Variants in ANKRD34B observed in about 807,000 individuals in gnomAD.
ANKRD34B encodes the protein ankyrin repeat domain 34B, also known as ankyrin repeat domain-containing protein 34B.
A neutral mutation model predicts 4.4 loss-of-function variants in ANKRD34B; 2 were observed. The ratio of observed to expected loss-of-function variants is 0.46; its 90% CI spans 0.19 to 1.44. The LOEUF is 1.44. Among genes scored for constraint, ANKRD34B ranks in the 40% most tolerant of loss-of-function variants. The probability of loss-of-function intolerance (pLI) is 0.26; values close to 1 mark genes in which losing one functional copy is unlikely to be tolerated. For missense variants in ANKRD34B, 558 were observed against 604.7 expected, an observed-to-expected ratio of 0.92 and a Z score of 0.81; for synonymous variants, 226 against 227.1, an observed-to-expected ratio of 0.99 and a Z score of 0.05.
Position 80,559,358 on chromosome 5 carries a change from T to C in ANKRD34B, c.662A>G (p.Asp221Gly). The part of the protein sequence containing the change: ...FKDLELAGSN[D>G]DTWDPGSPVR... ...AGGGGAACCTGGGTCCCAGGTATCA[T>C]CATTGCTTCCAGCAAGCTCAAGATC... The change falls in exon 5 of 5, where the codon GAT (aspartate) becomes GGT (glycine). Residue 221 changes from aspartate (D) to glycine (G), a missense_variant. Asp to Gly is a moderately conservative substitution (Grantham distance 94). Coordinates refer to ENST00000338682, the MANE Select transcript of ANKRD34B (RefSeq NM_001004441.3). The C allele has an allele frequency of 6.2e-7, 1 of 1,614,208 alleles. No individual in the cohort carries two copies. Among genetic ancestry groups the C allele is most frequent in the Non-Finnish European group, 8.5e-7 (1 of 1,180,042 alleles).
At position 80,558,670 on chromosome 5, in the gene ANKRD34B, T is replaced by C; in HGVS notation, c.1350A>G (p.Pro450=). ...GAGGGTGAGAATTTACATTTAAGGGTGGGAGAAACCCTTGTCTGGTTTGGG... is the reference window on the plus strand; with the variant it reads ...GAGGGTGAGAATTTACATTTAAGGGCGGGAGAAACCCTTGTCTGGTTTGGG... The part of the protein sequence containing the change: ...SVTQTRQGFL[P]PLNVNSHPPI... Residue 450 remains proline, a synonymous_variant, in exon 5 of 5, where the codon CCA becomes CCG. Coordinates refer to ENST00000338682, the MANE Select transcript of ANKRD34B (RefSeq NM_001004441.3). 6.2e-7 allele frequency: 1 copy of C among 1,614,126 alleles called. No homozygotes were observed. Among genetic ancestry groups the C allele is most frequent in the Non-Finnish European group, 8.5e-7 (1 of 1,180,018 alleles).
intron 4 of ANKRD34B, among the ~76,000 whole-genome samples, chr5:80,560,961 C>T (rs138187122): frequency 5.9e-5 from 9 of 152,204 alleles, no homozygotes; most frequent in East Asian, 5.8e-4. Context: ...CATGTGATTA[C>T]GCATTTCTCT....
At chr5:80,562,554 C>T (rs985842062) in intron 4 of ANKRD34B, among the ~76,000 whole-genome samples, 1 of 152,158 alleles carries the variant, frequency 6.6e-6, no homozygotes. Context: ...AGCTTGGCTT[C>T]GAGGAGGCCG....
intron 4 of ANKRD34B, among the ~76,000 whole-genome samples, chr5:80,562,982 T>G (rs1472789100): frequency 6.6e-6 from 1 of 151,996 alleles, no homozygotes; most frequent in African/African-American, 2.4e-5. Flanking sequence ...AGGAAACATA[T>G]TAATCGGAAA....
chr5:80,559,664 T>C lies in ANKRD34B; in HGVS notation c.356A>G (p.Tyr119Cys). 1.9e-6 allele frequency: 3 copies of C among 1,614,124 alleles called. No homozygotes were observed. Among genetic ancestry groups the C allele is most frequent in the Non-Finnish European group, 2.5e-6 (3 of 1,180,024 alleles). The change falls in exon 5 of 5, where the codon TAC becomes TGC. Residue 119 changes from tyrosine (Y) to cysteine (C), a missense_variant. Coordinates refer to ENST00000338682, the MANE Select transcript of ANKRD34B (RefSeq NM_001004441.3). ...ATTTATAGCATAAACAAGAGCTGAG[T>C]AACTAGAATGGTCTTGCAAGCTGAG... ...ADLSLQDHSS[Y>C]SALVYAINSE...
At chr5:80,563,000 A>T (rs1561394278) in intron 4 of ANKRD34B, among the ~76,000 whole-genome samples, 1 of 152,238 alleles carries the variant, frequency 6.6e-6, no homozygotes, top group Non-Finnish European at 1.5e-5. Flanking sequence ...AAAAATGAAA[A>T]GATGAAAAAT....
intron 4 of ANKRD34B, among the ~76,000 whole-genome samples, chr5:80,561,005 T>A (rs1341011734): frequency 6.6e-6 from 1 of 152,188 alleles, no homozygotes; most frequent in Non-Finnish European, 1.5e-5. Context: ...ACTGACCACA[T>A]AACGAGGTTA....
Position 80,558,417 on chromosome 5 carries a change from C to G in ANKRD34B, c.*58G>C. The G allele has an allele frequency of 7.7e-7, 1 of 1,305,418 alleles. No individual in the cohort carries two copies. Among genetic ancestry groups the G allele is most frequent in the Non-Finnish European group, 1.1e-6 (1 of 942,544 alleles). 80.9% of individuals were successfully genotyped at this position (1,305,418 alleles called of 1,614,324 possible). A position where few individuals can be genotyped will look rare whatever the true frequency, so the allele number is the denominator to read the frequency against. ...AGAATGAACATTTAAGATTTCTTCT[C>G]TAGTTCTTTGTTTCTCTGATATAAA... On this transcript the variant is annotated 3_prime_UTR_variant, in exon 5 of 5. Transcript: ENST00000338682.
Position 80,563,725 on chromosome 5 carries a change from C to G in ANKRD34B, c.-24+10G>C, listed in dbSNP as rs1318056188. The G allele has an allele frequency of 6.6e-6, 1 of 152,118 alleles. No individual in the cohort carries two copies. Among genetic ancestry groups the G allele is most frequent in the Non-Finnish European group, 1.5e-5 (1 of 68,028 alleles). The allele number at this position is 152,118 out of a possible 1,614,324, so 9.4% of individuals were successfully genotyped here. The stretch of plus-strand genomic sequence containing the variant: ...ATACTCTATAAAGGCTATCTTGGAG[C>G]CAGACATACCTGCAAGTCAGGAACT... On this transcript the variant is annotated intron_variant, in intron 4 of 4. Transcript: ENST00000338682.
intron 3 of ANKRD34B, among the ~76,000 whole-genome samples, chr5:80,565,982 G>A (rs1463791385): frequency 6.6e-6 from 1 of 152,144 alleles, no homozygotes. Context: ...AATATCACTT[G>A]CACCTCATCA....
chr5:80,560,671 T>C (rs1252853438), intron 4 of ANKRD34B, among the ~76,000 whole-genome samples: 1 of 152,074 alleles, frequency 6.6e-6, no homozygotes, highest in Non-Finnish European at 1.5e-5. Context: ...TAAAAAAAAT[T>C]AATTAAAATG....
Position 80,559,906 on chromosome 5 carries a change from C to G in ANKRD34B, c.114G>C (p.Glu38Asp). The change falls in exon 5 of 5, where the codon GAG (glutamate) becomes GAC (aspartate). Residue 38 changes from glutamate (E) to aspartate (D), a missense_variant. By Grantham distance (45) the Glu-to-Asp change is conservative. Coordinates refer to ENST00000338682, the MANE Select transcript of ANKRD34B (RefSeq NM_001004441.3). The part of the protein sequence containing the change: ...LLLEGGAYIN[E>D]SNDRGETPLM... ...AAGGGGTTTCCCCACGGTCGTTGCT[C>G]TCATTAATGTAGGCACCGCCTTCTA... 1 of 1,614,206 alleles carries G rather than the reference C, an allele frequency of 6.2e-7. No individual in the cohort carries two copies.
intron 4 of ANKRD34B, among the ~76,000 whole-genome samples, chr5:80,560,536 C>T (rs1746384108): frequency 6.6e-6 from 1 of 152,036 alleles, no homozygotes; most frequent in Non-Finnish European, 1.5e-5. Flanking sequence ...GTGGTGTGAC[C>T]TGTAGTTCCA....
In ANKRD34B at chr5:80,564,840, G is replaced by A. The variant is rs577886417; in HGVS notation, c.-104-1025C>T. ...CCTGCCTCAGCCTCTGGAGTAGCTG[G>A]GATTACAGGTGTGTGCCACCACACC... is the stretch of plus-strand genomic sequence containing the variant. On this transcript the variant is annotated intron_variant, in intron 3 of 4. Transcript: ENST00000338682. 9.2e-5 allele frequency among the ~76,000 whole-genome samples: 14 copies of A among 151,866 alleles called. 1 individual carries two copies. The highest frequency in any genetic ancestry group is 3.1e-4 in the African/African-American group (13 of 41,442).
intron 1 of ANKRD34B, 147 bp from the exon 2 acceptor site, chr5:80,569,254 C>G (rs1002689426): frequency 5.3e-5 from 8 of 152,360 alleles, no homozygotes; most frequent in African/African-American, 1.9e-4. Context: ...ACGGGTTCTG[C>G]CCACAGCCGC....
Position 80,558,947 on chromosome 5 carries a change from A to C in ANKRD34B, c.1073T>G (p.Ile358Arg), listed in dbSNP as rs755261138. The C allele has an allele frequency of 2.5e-6, 4 of 1,614,158 alleles. No homozygotes were observed. Among genetic ancestry groups the C allele is most frequent in the Non-Finnish European group, 3.4e-6 (4 of 1,180,032 alleles). The change falls in exon 5 of 5, where the codon ATA (isoleucine) becomes AGA (arginine). Residue 358 changes from isoleucine (I) to arginine (R), a missense_variant. Coordinates refer to ENST00000338682, the MANE Select transcript of ANKRD34B (RefSeq NM_001004441.3). ...QTIFASTLRS[I>R]VQKRNLGANH... ...TGCCCCCAAGTTTCTTTTTTGAACT[A>C]TACTTCTTAAGGTGGAAGCAAATAT...
rs1746363624 is a variant in ANKRD34B at position 80,559,768 on chromosome 5, C to T, written c.252G>A (p.Gly84=). ...AGCAAGCATGCATCAGAGCCGTTTT[C>T]CCAGATTTGTCCTGTATGTTGGGAT... ...NADPNIQDKS[G]KTALMHACLE... The change falls in exon 5 of 5, where the codon GGG becomes GGA. Residue 84 remains glycine, a synonymous_variant. Transcript: ENST00000338682. 2 of 1,614,060 alleles carry T rather than the reference C, an allele frequency of 1.2e-6. No homozygotes were observed. The highest frequency in any genetic ancestry group is 1.7e-6 in the Non-Finnish European group (2 of 1,180,046).
intron 3 of ANKRD34B, among the ~76,000 whole-genome samples, 181 bp from the exon 4 acceptor site, chr5:80,563,996 ATTGT>A (rs769422353): frequency 3.3e-5 from 5 of 152,226 alleles, no homozygotes; most frequent in Non-Finnish European, 5.9e-5. Flanking sequence ...ATTTAAAAAA[ATTGT>A]TTGACCAAAA....
rs991511688 is a variant in ANKRD34B at position 80,558,415 on chromosome 5, C to T, written c.*60G>A. On this transcript the variant is annotated 3_prime_UTR_variant, in exon 5 of 5. Transcript: ENST00000338682. ...AAAGAATGAACATTTAAGATTTCTT[C>T]TCTAGTTCTTTGTTTCTCTGATATA... 8 of 1,290,510 alleles carry T rather than the reference C, an allele frequency of 6.2e-6. No individual in the cohort carries two copies. Among genetic ancestry groups the T allele is most frequent in the African/African-American group, 1.5e-5 (1 of 67,108 alleles). The allele number at this position is 1,290,510 out of a possible 1,614,324, so 79.9% of individuals were successfully genotyped here. A position where few individuals can be genotyped will look rare whatever the true frequency, so the allele number is the denominator to read the frequency against.
Sources: allele counts gnomAD v4.1 joint callset (sites outside exome capture counted in the v4.1 genomes callset), GRCh38; gene constraint gnomAD v4.1.1; transcripts MANE v1.5; gene names NCBI Gene and HGNC (gene_info 2026-07-23, HGNC 2026-07-21).